Variants in ANO7 observed in about 807,000 individuals in gnomAD.
ANO7 encodes anoctamin 7, also known as anoctamin-7.
A neutral mutation model predicts 115.8 loss-of-function variants in ANO7; 114 were observed. The observed-to-expected ratio is 0.98, with a 90% confidence interval of 0.85 to 1.15. The LOEUF is 1.15. ANO7 is among the 50% of genes most tolerant of loss of function. ANO7 has a pLI of 0.00. For missense variants in ANO7, 1,302 were observed against 1,201.2 expected (o/e 1.08, Z -1.24); for synonymous variants, 550 against 498.2 (o/e 1.10, Z -1.38).
Position 241,224,630 on chromosome 2 carries a change from A to G in ANO7, c.*477A>G, listed in dbSNP as rs1445434492. Reference sequence around the variant, plus strand: ...CTTCCTGCCCTGTTTGCGCAGGGACATCACCCACATGCCCCAGCTCTCGGA... The same window carrying G: ...CTTCCTGCCCTGTTTGCGCAGGGACGTCACCCACATGCCCCAGCTCTCGGA... On this transcript the variant is annotated 3_prime_UTR_variant, in exon 25 of 25. Transcript: ENST00000674324. 2 of 160,600 alleles carry G rather than the reference A, an allele frequency of 1.2e-5. No individual in the cohort carries two copies. Among genetic ancestry groups the G allele is most frequent in the African/African-American group, 4.8e-5 (2 of 41,394 alleles). 9.9% of individuals were successfully genotyped at this position (160,600 alleles called of 1,614,324 possible). A position where few individuals can be genotyped will look rare whatever the true frequency, so the allele number is the denominator to read the frequency against.
At position 241,212,173 on chromosome 2, in the gene ANO7, C is replaced by T. The variant is rs753428468; in HGVS notation, c.1641C>T (p.Ser547=). The change falls in exon 16 of 25, where the codon TCC becomes TCT. Residue 547 remains serine (S), a synonymous_variant. Transcript: ENST00000674324. ...VFIFQFVNFY[S]SPVYIAFFKG... ...TCTTCCAGTTCGTCAACTTCTACTCCTCACCCGTCTACATTGCCTTCTTCA... is the reference window on the plus strand; with the variant it reads ...TCTTCCAGTTCGTCAACTTCTACTCTTCACCCGTCTACATTGCCTTCTTCA... 13 of 1,614,178 alleles carry T rather than the reference C, an allele frequency of 8.1e-6. No individual in the cohort carries two copies. The highest frequency in any genetic ancestry group is 1.1e-5 in the Non-Finnish European group (13 of 1,180,004).
chr2:241,220,014 G>C (rs1420011959), intron 21 of ANO7, among the ~76,000 whole-genome samples: 1 of 152,120 alleles, frequency 6.6e-6, no homozygotes, highest in Non-Finnish European at 1.5e-5. Context: ...TTGTTACATG[G>C]AGTTTTAGTT....
rs1168106343 is a variant in ANO7, at chr2:241,210,298, G to A, written c.1363G>A (p.Ala455Thr). Residue 455 changes from alanine to threonine, a missense_variant, in exon 14 of 25, where the codon GCC becomes ACC. Ala to Thr is a moderately conservative substitution (Grantham distance 58). Transcript: ENST00000674324. ...ACGGGCCTCCCTGCCCCCGCAGGTGGCCGTGGTGGTCATGTGCCTCGTGTC... is the reference window on the plus strand; with the variant it reads ...ACGGGCCTCCCTGCCCCCGCAGGTGACCGTGGTGGTCATGTGCCTCGTGTC... ...AGSVVIVVMV[A>T]VVVMCLVSII... 3 of 1,613,746 alleles carry A rather than the reference G, an allele frequency of 1.9e-6. No homozygotes were observed. The highest frequency in any genetic ancestry group is 4.5e-5 in the East Asian group (2 of 44,884).
At position 241,224,344 on chromosome 2, in the gene ANO7, C is replaced by T. The variant is rs1440285474; in HGVS notation, c.*191C>T. 19 of 635,846 alleles carry T rather than the reference C, an allele frequency of 3.0e-5. No individual in the cohort carries two copies. Among genetic ancestry groups the T allele is most frequent in the South Asian group, 9.9e-5 (5 of 50,700 alleles). 39.4% of individuals were successfully genotyped at this position (635,846 alleles called of 1,614,324 possible). A position where few individuals can be genotyped will look rare whatever the true frequency, so the allele number is the denominator to read the frequency against. ...CTCAGAGCGCCTGTCACTCCATCCC[C>T]GGCAGGGAGGGACCGTCAGCTCACA... On this transcript the variant is annotated 3_prime_UTR_variant, in exon 25 of 25. Coordinates refer to ENST00000674324, the MANE Select transcript of ANO7 (RefSeq NM_001370694.2).
the ANO7 span, among the ~76,000 whole-genome samples, chr2:241,237,933 G>A: frequency 6.6e-6 from 1 of 152,222 alleles, no homozygotes. Flanking sequence ...GGCTGTGTGT[G>A]ACATGCTTCC....
chr2:241,210,848 T>G (rs1446610648), intron 15 of ANO7, among the ~76,000 whole-genome samples: 1 of 145,804 alleles, frequency 6.9e-6, no homozygotes. Flanking sequence ...TTTTTTTTTT[T>G]GATAGAGACA....
In ANO7 at chr2:241,203,193, T is replaced by G. The variant is rs1054211456; in HGVS notation, c.724-140T>G. On this transcript the variant is annotated intron_variant, in intron 8 of 24. Transcript: ENST00000674324. This position sits in a 1 kb window ranked among gnomAD's most constrained non-coding sequence, Gnocchi z 4.8. ...CCACCCTGTACCCACCCCTCCACAT[T>G]ACTCTATTTTTTCTTCATGGAGCAA... The G allele has an allele frequency of 2.6e-5, 16 of 616,636 alleles. No homozygotes were observed. Among genetic ancestry groups the G allele is most frequent in the Non-Finnish European group, 3.9e-5 (15 of 382,574 alleles). The allele number at this position is 616,636 out of a possible 1,614,324, so 38.2% of individuals were successfully genotyped here.
At chr2:241,192,916 C>T (rs10933534) in intron 3 of ANO7, among the ~76,000 whole-genome samples, 2 of 151,684 alleles carry the variant, frequency 1.3e-5, no homozygotes, top group South Asian at 2.1e-4. Context: ...GGGCTGGGGA[C>T]GGGGAGGGGG....
intron 10 of ANO7, among the ~76,000 whole-genome samples, chr2:241,205,256 C>T (rs544202071): frequency 8.8e-5 from 13 of 147,138 alleles, no homozygotes; most frequent in African/African-American, 3.3e-4. Context: ...CCCAGACTGA[C>T]AGGCAGACGG....
chr2:241,234,094 C>T, the ANO7 span: 30 of 1,014,960 alleles, frequency 3.0e-5, no homozygotes, highest in African/African-American at 3.2e-5. Flanking sequence ...CGGAATGGTC[C>T]GCCATCTCTC....
Position 241,195,850 on chromosome 2 carries a change from G to C in ANO7, c.309+5G>C. 2 of 1,614,208 alleles carry C rather than the reference G, an allele frequency of 1.2e-6. No homozygotes were observed. Among genetic ancestry groups the C allele is most frequent in the Non-Finnish European group, 1.7e-6 (2 of 1,180,024 alleles). On this transcript the variant is annotated splice_donor_5th_base_variant and intron_variant, in intron 4 of 24. Coordinates refer to ENST00000674324, the MANE Select transcript of ANO7 (RefSeq NM_001370694.2). Reference sequence around the variant, plus strand: ...GCTGGGCTGTGTGTAGACCAGGTACGTGGAGGCTGTCATGGGCAGGGCCCT... The same window carrying C: ...GCTGGGCTGTGTGTAGACCAGGTACCTGGAGGCTGTCATGGGCAGGGCCCT...
In ANO7 at chr2:241,223,975, G is replaced by A; in HGVS notation, c.2583+20G>A. 1 of 1,614,044 alleles carries A rather than the reference G, an allele frequency of 6.2e-7. No homozygotes were observed. The highest frequency in any genetic ancestry group is 8.5e-7 in the Non-Finnish European group (1 of 1,179,940). On this transcript the variant is annotated intron_variant, in intron 24 of 24. Transcript: ENST00000674324. Reference sequence around the variant, plus strand: ...TCAGAGGCAAGTCTGGGAGCAGCCAGGCCCCTGCCCCGTGCACTCCCTGAG... The same window carrying A: ...TCAGAGGCAAGTCTGGGAGCAGCCAAGCCCCTGCCCCGTGCACTCCCTGAG...
At chr2:241,208,954 C>T (rs1165647449) in intron 11 of ANO7, among the ~76,000 whole-genome samples, 5 of 152,110 alleles carry the variant, frequency 3.3e-5, no homozygotes, top group Admixed American at 6.5e-5. Context: ...TCGAGACCAT[C>T]CTGGCTAACA....
downstream of ANO7, chr2:241,230,375 A>G: frequency 1.3e-6 from 1 of 766,866 alleles, no homozygotes; most frequent in Non-Finnish European, 2.2e-6. The surrounding 1 kb of genome is among the most constrained non-coding windows in gnomAD (Gnocchi z 5.0). Context: ...CAAACGTTTT[A>G]AAATCTGGTT....
chr2:241,203,236 T>A lies in ANO7; in HGVS notation c.724-97T>A. ...TGGAGCAATCCCAGACTCCCAGGCC[T>A]GTCTGCCCATGTCCCACACTGAAGC... On this transcript the variant is annotated intron_variant, in intron 8 of 24. Transcript: ENST00000674324. This position sits in a 1 kb window ranked among gnomAD's most constrained non-coding sequence, Gnocchi z 4.8. 4 of 921,036 alleles carry A rather than the reference T, an allele frequency of 4.3e-6. No individual in the cohort carries two copies. Among genetic ancestry groups the A allele is most frequent in the Non-Finnish European group, 4.6e-6 (3 of 651,298 alleles). The allele number at this position is 921,036 out of a possible 1,614,324, so 57.1% of individuals were successfully genotyped here.
intron 10 of ANO7, among the ~76,000 whole-genome samples, chr2:241,205,403 G>A (rs1284506781): frequency 6.7e-6 from 1 of 149,200 alleles, no homozygotes; most frequent in Non-Finnish European, 1.5e-5. Flanking sequence ...CTGACAGGTA[G>A]CTAGGACTGC....
downstream of ANO7, among the ~76,000 whole-genome samples, chr2:241,230,568 G>A (rs963086342): frequency 4.6e-5 from 7 of 152,216 alleles, no homozygotes; most frequent in Admixed American, 2.6e-4. The surrounding 1 kb of genome is among the most constrained non-coding windows in gnomAD (Gnocchi z 5.0). Context: ...AATGGCCACC[G>A]TGGCAGTGCA....
chr2:241,231,517 G>C, the ANO7 span, among the ~76,000 whole-genome samples: 1 of 152,130 alleles, frequency 6.6e-6, no homozygotes, highest in African/African-American at 2.4e-5. Context: ...AGACAAAGGA[G>C]AGACACTAAC....
At chr2:241,238,018 A>G in the ANO7 span, among the ~76,000 whole-genome samples, 1 of 152,266 alleles carries the variant, frequency 6.6e-6, no homozygotes, top group African/African-American at 2.4e-5. The surrounding 1 kb of genome is among the most constrained non-coding windows in gnomAD (Gnocchi z 4.9). Flanking sequence ...AGCTCAACCA[A>G]GACTGATAAC....
Sources: allele counts gnomAD v4.1 joint callset (sites outside exome capture counted in the v4.1 genomes callset), GRCh38; gene constraint gnomAD v4.1.1; non-coding constraint Gnocchi (gnomAD v3.1); transcripts MANE v1.5; gene names NCBI Gene and HGNC (gene_info 2026-07-23, HGNC 2026-07-21).